Variants in PTPRQ observed in about 807,000 individuals in gnomAD.
PTPRQ encodes the protein protein tyrosine phosphatase receptor type Q.
In PTPRQ, 199 loss-of-function variants were observed where a neutral mutation model predicts 246.0. The ratio of observed to expected loss-of-function variants is 0.81; its 90% CI spans 0.72 to 0.91. PTPRQ has a LOEUF of 0.91. Ranked by LOEUF, PTPRQ falls within the 40% of genes least tolerant of loss-of-function variation. The probability of loss-of-function intolerance (pLI) is 0.00; values close to 1 mark genes in which losing one functional copy is unlikely to be tolerated. For missense variants in PTPRQ, 2,624 were observed against 2,528.4 expected (o/e 1.04, Z -0.81); for synonymous variants, 869 against 853.2 (o/e 1.02, Z -0.32).
chr12:80,445,257 A>G (rs1190016236), intron 2 of PTPRQ, among the ~76,000 whole-genome samples: 1 of 151,950 alleles, frequency 6.6e-6, no homozygotes, highest in African/African-American at 2.4e-5. Context: ...CAACAAAAGT[A>G]TATTCGGCAT....
intron 6 of PTPRQ, among the ~76,000 whole-genome samples, chr12:80,461,176 C>T (rs1183904401): frequency 2.6e-5 from 4 of 152,144 alleles, no homozygotes; most frequent in Non-Finnish European, 4.4e-5. Flanking sequence ...ATAATGTCAG[C>T]AATTTTTAGT....
chr12:80,610,147 C>CA (rs969826507), intron 27 of PTPRQ, among the ~76,000 whole-genome samples: 1 of 150,368 alleles, frequency 6.7e-6, no homozygotes, highest in Non-Finnish European at 1.5e-5. Context: ...ATATTGGAGT[C>CA]AAAAGTAGAG....
At chr12:80,510,261 C>T in intron 16 of PTPRQ, 62 bp from the exon 17 acceptor site, 1 of 1,347,654 alleles carries the variant, frequency 7.4e-7, no homozygotes, top group Non-Finnish European at 9.6e-7. Context: ...TGTGCATTTC[C>T]ATGTTAACTT....
At chr12:80,445,977 T>G (rs1892541776) in intron 3 of PTPRQ, among the ~76,000 whole-genome samples, 1 of 151,874 alleles carries the variant, frequency 6.6e-6, no homozygotes, top group African/African-American at 2.4e-5. Context: ...TTTATATACA[T>G]GTATGAATAT....
intron 35 of PTPRQ, among the ~76,000 whole-genome samples, chr12:80,639,551 G>GT (rs1488387507): frequency 6.6e-6 from 1 of 152,136 alleles, no homozygotes; most frequent in African/African-American, 2.4e-5. Flanking sequence ...AATCTAATGA[G>GT]TTGGAAAAAT....
rs201432092 is a variant in PTPRQ at position 80,575,839 on chromosome 12, C to CAAA, written c.4286-12274_4286-12272dup. Among the ~76,000 whole-genome samples the CAAA allele has an allele frequency of 2.5e-4, 12 of 47,130 alleles. No individual in the cohort carries two copies. In the East Asian group the frequency reaches 4.3e-3, roughly 17 times the overall value. The allele number at this position is 47,130 out of a possible 152,430, so 30.9% of individuals were successfully genotyped here. ...GGGCAACAAGAGCGAAACCCCATCT[C>CAAA]AAAAAAAAAAAAAAAAAAGAAAAAA... On this transcript the variant is annotated intron_variant, in intron 25 of 44. Coordinates refer to ENST00000644991, the MANE Select transcript of PTPRQ (RefSeq NM_001145026.2).
chr12:80,455,450 A>C (rs1474550919), intron 3 of PTPRQ, among the ~76,000 whole-genome samples: 27 of 152,084 alleles, frequency 1.8e-4, no homozygotes, highest in Admixed American at 1.8e-3. Flanking sequence ...ATGTCTGTTG[A>C]CATTTTGGAT....
At chr12:80,503,603 G>T (rs1894867685) in intron 14 of PTPRQ, among the ~76,000 whole-genome samples, 1 of 151,684 alleles carries the variant, frequency 6.6e-6, no homozygotes, top group South Asian at 2.1e-4. Flanking sequence ...TGAAAGAAAA[G>T]AGTTTTATAA....
At chr12:80,515,591 A>C (rs1184358428) in intron 17 of PTPRQ, among the ~76,000 whole-genome samples, 1 of 151,066 alleles carries the variant, frequency 6.6e-6, no homozygotes, top group African/African-American at 2.4e-5. Flanking sequence ...TAGCTAATTT[A>C]TTTTTATTTC....
At chr12:80,474,288 C>A (rs1893744613) in intron 8 of PTPRQ, among the ~76,000 whole-genome samples, 1 of 152,082 alleles carries the variant, frequency 6.6e-6, no homozygotes, top group South Asian at 2.1e-4. Flanking sequence ...AATTTAATTT[C>A]TTCTCCATAT....
chr12:80,642,936 A>C lies in PTPRQ; in HGVS notation c.5916-5961A>C, dbSNP rs796486417. On this transcript the variant is annotated intron_variant, in intron 35 of 44. Transcript: ENST00000644991. The stretch of plus-strand genomic sequence containing the variant: ...CTCCGTCTTAAAAAAAAAAAAAAAA[A>C]AAAAAAAAAACAATTGAGTATCTCT... 6.5e-4 allele frequency among the ~76,000 whole-genome samples: 96 copies of C among 148,354 alleles called. 2 individuals carry two copies. Among genetic ancestry groups the C allele is most frequent in the African/African-American group, 2.0e-3 (79 of 39,244 alleles).
chr12:80,452,509 GT>G (rs1421906917), intron 3 of PTPRQ, among the ~76,000 whole-genome samples: 1 of 152,176 alleles, frequency 6.6e-6, no homozygotes, highest in East Asian at 1.9e-4. Flanking sequence ...GGTACCGGTT[GT>G]TCTTTTCCAT....
At chr12:80,502,239 T>C (rs908200826) in intron 14 of PTPRQ, among the ~76,000 whole-genome samples, 2 of 151,994 alleles carry the variant, frequency 1.3e-5, no homozygotes, top group African/African-American at 4.8e-5. Context: ...ATAATGTAGC[T>C]CTCTTCTCAG....
At chr12:80,675,282 T>C (rs1901099360) in intron 43 of PTPRQ, among the ~76,000 whole-genome samples, 1 of 152,166 alleles carries the variant, frequency 6.6e-6, no homozygotes, top group Non-Finnish European at 1.5e-5. Context: ...GAACTTTACA[T>C]TTTGTAGTGG....
chr12:80,638,772 A>C (rs1460167250), intron 35 of PTPRQ, among the ~76,000 whole-genome samples: 1 of 152,190 alleles, frequency 6.6e-6, no homozygotes, highest in Non-Finnish European at 1.5e-5. Context: ...AATTCTATGA[A>C]AACATTCAAG....
chr12:80,473,662 T>C (rs1415959559), intron 8 of PTPRQ, among the ~76,000 whole-genome samples: 1 of 152,206 alleles, frequency 6.6e-6, no homozygotes, highest in Non-Finnish European at 1.5e-5. Flanking sequence ...AATAGGGAAA[T>C]AGATAATGCA....
chr12:80,599,586 A>G (rs905047710), intron 26 of PTPRQ, among the ~76,000 whole-genome samples: 1 of 151,872 alleles, frequency 6.6e-6, no homozygotes, highest in Admixed American at 6.6e-5. Flanking sequence ...CACTAGTAAT[A>G]GTTTACTATA....
At chr12:80,516,586 C>T (rs571354865) in intron 17 of PTPRQ, among the ~76,000 whole-genome samples, 7 of 152,240 alleles carry the variant, frequency 4.6e-5, no homozygotes, top group African/African-American at 1.7e-4. Context: ...TAATGCAGCT[C>T]TTTATTAAAT....
chr12:80,506,778 T>C (rs771746330), intron 16 of PTPRQ, 108 bp downstream of exon 16: 6 of 909,980 alleles, frequency 6.6e-6, no homozygotes, highest in Non-Finnish European at 9.7e-6. Context: ...GTATCAGTTG[T>C]GTACCATACC....
Sources: allele counts gnomAD v4.1 joint callset (sites outside exome capture counted in the v4.1 genomes callset), GRCh38; gene constraint gnomAD v4.1.1; transcripts MANE v1.5; gene names NCBI Gene and HGNC (gene_info 2026-07-23, HGNC 2026-07-21).